MAP4K4: variants seen among roughly 807,000 people sequenced by gnomAD.
MAP4K4 encodes the protein HPK/GCK-like kinase HGK.
A neutral mutation model predicts 189.6 loss-of-function variants in MAP4K4; 38 were observed. The ratio of observed to expected loss-of-function variants is 0.20; its 90% CI spans 0.15 to 0.26. The LOEUF is 0.26. Among genes scored for constraint, MAP4K4 ranks in the 10% least tolerant of loss-of-function variants. The probability of loss-of-function intolerance (pLI) is 1.00; values close to 1 mark genes in which losing one functional copy is unlikely to be tolerated. For missense variants in MAP4K4, 1,054 were observed against 1,726.9 expected, an observed-to-expected ratio of 0.61 and a Z score of 6.91; for synonymous variants, 610 against 624.3, an observed-to-expected ratio of 0.98 and a Z score of 0.34.
At chr2:101,771,611 C>G (rs2081454116) in intron 2 of MAP4K4, among the ~76,000 whole-genome samples, 1 of 152,130 alleles carries the variant, frequency 6.6e-6, no homozygotes, top group South Asian at 2.1e-4. Context: ...CTCAACTTCC[C>G]TAGTTGAATT....
intron 26 of MAP4K4, among the ~76,000 whole-genome samples, chr2:101,875,427 T>C (rs1039282401): frequency 1.3e-5 from 2 of 152,278 alleles, no homozygotes; most frequent in Middle Eastern, 3.4e-3. Context: ...CTTGGGTAGA[T>C]ACTGTCCTCC....
chr2:101,863,728 C>A, intron 16 of MAP4K4, 93 bp from the exon 17 acceptor site: 1 of 770,576 alleles, frequency 1.3e-6, no homozygotes, highest in Non-Finnish European at 2.0e-6. Flanking sequence ...TGTATTCCGC[C>A]TCTGCCAGTT....
intron 13 of MAP4K4, among the ~76,000 whole-genome samples, chr2:101,857,380 T>TAG (rs2097506112): frequency 6.6e-6 from 1 of 151,530 alleles, no homozygotes; most frequent in African/African-American, 2.4e-5. Flanking sequence ...GCGTGTTGTG[T>TAG]ATTGTTTGTT....
At chr2:101,840,379 C>T (rs950010547) in intron 10 of MAP4K4, among the ~76,000 whole-genome samples, 2 of 152,200 alleles carry the variant, frequency 1.3e-5, no homozygotes, top group Non-Finnish European at 2.9e-5. Flanking sequence ...TGCCCAAGAA[C>T]CCCCGCTCAG....
At position 101,811,264 on chromosome 2, in the gene MAP4K4, G is replaced by A. The variant is rs566388105; in HGVS notation, c.181-12664G>A. Among the ~76,000 whole-genome samples, 15 of 148,836 alleles carry A rather than the reference G, an allele frequency of 1.0e-4. No individual in the cohort carries two copies. The East Asian group carries it at 2.8e-3, about 28-fold the overall frequency. On this transcript the variant is annotated intron_variant, in intron 3 of 32. Coordinates refer to ENST00000324219, the Ensembl canonical transcript of MAP4K4. ...CGGGTGCCTGTAGTCCCAGCTACTC[G>A]GGAAGCTGAGGCAGGAGAATCACTT...
chr2:101,833,764 T>G (rs2096658410), intron 7 of MAP4K4, among the ~76,000 whole-genome samples: 1 of 152,240 alleles, frequency 6.6e-6, no homozygotes, highest in Non-Finnish European at 1.5e-5. Flanking sequence ...AAGTAAAGTT[T>G]AATTCAAATT....
At chr2:101,747,760 C>T (rs538663826) in intron 2 of MAP4K4, among the ~76,000 whole-genome samples, 4 of 152,216 alleles carry the variant, frequency 2.6e-5, no homozygotes, top group African/African-American at 9.6e-5. Context: ...AGCAAACAAA[C>T]AAAACAGATC....
chr2:101,815,223 A>G (rs769805967), intron 3 of MAP4K4, among the ~76,000 whole-genome samples: 4 of 152,070 alleles, frequency 2.6e-5, no homozygotes, highest in Non-Finnish European at 5.9e-5. Context: ...ATATTCTTCT[A>G]TTGGTGGGAA....
chr2:101,848,898 C>T (rs1270327122), intron 12 of MAP4K4, among the ~76,000 whole-genome samples: 2 of 152,014 alleles, frequency 1.3e-5, no homozygotes, highest in African/African-American at 2.4e-5. Flanking sequence ...GTTTTCTCTT[C>T]TTGTTTTGTT....
exon 18 of MAP4K4, chr2:101,864,944 A>G: frequency 6.4e-7 from 1 of 1,571,644 alleles, no homozygotes; most frequent in Non-Finnish European, 8.6e-7. Flanking sequence ...CTGTGAGAAC[A>G]ACATCTCGCT....
chr2:101,721,462 G>C (rs1321587493), intron 2 of MAP4K4, among the ~76,000 whole-genome samples: 2 of 148,478 alleles, frequency 1.3e-5, no homozygotes, highest in East Asian at 2.0e-4. Flanking sequence ...TTGAGATGGA[G>C]TGTTGCTCTG....
At chr2:101,858,597 C>G (rs1326929910) in intron 13 of MAP4K4, among the ~76,000 whole-genome samples, 2 of 148,334 alleles carry the variant, frequency 1.3e-5, no homozygotes, top group East Asian at 3.8e-4. Flanking sequence ...GTGCTTGTTA[C>G]AAATAATGAC....
Position 101,800,660 on chromosome 2 carries a change from A to G in MAP4K4, c.180+9884A>G, listed in dbSNP as rs78653858. Among the ~76,000 whole-genome samples the G allele has an allele frequency of 2.3e-3, 347 of 152,326 alleles. 3 individuals are homozygous for G. Among genetic ancestry groups the G allele is most frequent in the African/African-American group, 8.0e-3 (333 of 41,566 alleles). On this transcript the variant is annotated intron_variant, in intron 3 of 32. Transcript: ENST00000324219. Reference sequence around the variant, plus strand: ...TAATTTTGGTTCGTTGGGACTGGAAATGGCAAATGTATACCATGGTTTGTA... The same window carrying G: ...TAATTTTGGTTCGTTGGGACTGGAAGTGGCAAATGTATACCATGGTTTGTA...
intron 2 of MAP4K4, among the ~76,000 whole-genome samples, chr2:101,781,358 C>G (rs1032629638): frequency 3.3e-5 from 5 of 152,116 alleles, no homozygotes; most frequent in Admixed American, 6.5e-5. Flanking sequence ...CTTCCCTCCC[C>G]CTTTGTCTTA....
At position 101,857,906 on chromosome 2, in the gene MAP4K4, T is replaced by C. The variant is rs180870421; in HGVS notation, c.1396-1090T>C. ...CATGACACAAGGGGATGGTCAGCAG[T>C]AGACACTCTTAAAAGGGAATCTGAA... On this transcript the variant is annotated intron_variant, in intron 13 of 32. Transcript: ENST00000324219. Among the ~76,000 whole-genome samples the C allele has an allele frequency of 1.3e-3, 195 of 152,330 alleles. 1 individual carries two copies. Among genetic ancestry groups the C allele is most frequent in the African/African-American group, 4.6e-3 (190 of 41,582 alleles).
At chr2:101,709,116 ACTGT>A (rs1199126758) in intron 2 of MAP4K4, among the ~76,000 whole-genome samples, 16 of 152,180 alleles carry the variant, frequency 1.1e-4, no homozygotes, top group African/African-American at 3.9e-4. Context: ...ACCCTGAGTG[ACTGT>A]CTGGATGAGG....
intron 2 of MAP4K4, among the ~76,000 whole-genome samples, chr2:101,743,211 T>C (rs1271416378): frequency 6.6e-6 from 1 of 152,162 alleles, no homozygotes; most frequent in South Asian, 2.1e-4. Flanking sequence ...GCAACTCAGA[T>C]GCTTCCGTCT....
chr2:101,881,445 C>G (rs1233793639), intron 27 of MAP4K4, among the ~76,000 whole-genome samples: 1 of 152,128 alleles, frequency 6.6e-6, no homozygotes, highest in Non-Finnish European at 1.5e-5. Context: ...GGATTTTCTA[C>G]CTAGACAGTC....
chr2:101,731,326 A>G lies in MAP4K4; in HGVS notation c.123+32788A>G, dbSNP rs534550708. On this transcript the variant is annotated intron_variant, in intron 2 of 32. Coordinates refer to ENST00000324219, the Ensembl canonical transcript of MAP4K4. ...GAGATGGGGTTTCACCATGTTGGCC[A>G]GGCTGGCCTCGAACTCCTGACCTAG... Among the ~76,000 whole-genome samples the G allele has an allele frequency of 9.6e-4, 145 of 151,782 alleles. 4 individuals carry two copies. In the South Asian group the frequency reaches 0.03, roughly 31 times the overall value.
Sources: allele counts gnomAD v4.1 joint callset (sites outside exome capture counted in the v4.1 genomes callset), GRCh38; gene constraint gnomAD v4.1.1; transcripts MANE v1.5; gene names NCBI Gene and HGNC (gene_info 2026-07-23, HGNC 2026-07-21).